DYNC1I1: variants seen among roughly 807,000 people sequenced by gnomAD.
DYNC1I1 encodes the protein cytoplasmic dynein 1 intermediate chain 1.
Under a neutral mutation model 86.6 loss-of-function variants are expected in DYNC1I1, and 43 were observed. That is an observed-to-expected ratio of 0.50 (90% confidence interval 0.39 to 0.64). The LOEUF (loss-of-function observed/expected upper bound fraction) is 0.64, where lower values mean the gene tolerates loss of function less well. Ranked by LOEUF, DYNC1I1 falls within the 30% of genes least tolerant of loss-of-function variation. The probability of loss-of-function intolerance (pLI) is 0.00; values close to 1 mark genes in which losing one functional copy is unlikely to be tolerated. For missense variants in DYNC1I1, 604 were observed against 788.8 expected, an observed-to-expected ratio of 0.77 and a Z score of 2.81; for synonymous variants, 262 against 283.7, an observed-to-expected ratio of 0.92 and a Z score of 0.77.
intron 5 of DYNC1I1, among the ~76,000 whole-genome samples, chr7:95,865,821 C>T (rs556364138): frequency 2.0e-5 from 3 of 152,258 alleles, no homozygotes; most frequent in South Asian, 2.1e-4. Context: ...TCTAGGTTTG[C>T]GTAAGTGCGG....
chr7:95,903,882 T>C (rs896382188), intron 6 of DYNC1I1, among the ~76,000 whole-genome samples: 5 of 152,088 alleles, frequency 3.3e-5, no homozygotes, highest in Non-Finnish European at 7.4e-5. Flanking sequence ...AGGGTGTACT[T>C]AGTTGAATGC....
intron 15 of DYNC1I1, among the ~76,000 whole-genome samples, chr7:96,076,865 T>C (rs773254637): frequency 5.3e-5 from 8 of 152,226 alleles, no homozygotes; most frequent in Admixed American, 1.3e-4. Context: ...CAGCCAGTAA[T>C]AAATACTGTT....
At chr7:96,019,169 T>A (rs1794477961) in intron 10 of DYNC1I1, among the ~76,000 whole-genome samples, 1 of 152,186 alleles carries the variant, frequency 6.6e-6, no homozygotes, top group Non-Finnish European at 1.5e-5. Context: ...CATCATTCTT[T>A]GTAGTGAGAA....
At chr7:95,780,013 T>A (rs1160148727) in intron 1 of DYNC1I1, among the ~76,000 whole-genome samples, 1 of 152,202 alleles carries the variant, frequency 6.6e-6, no homozygotes, top group African/African-American at 2.4e-5. Context: ...TGTTTTCCTT[T>A]TTGAACCCCT....
At chr7:95,797,819 T>C (rs1794478104) in intron 1 of DYNC1I1, among the ~76,000 whole-genome samples, 1 of 152,244 alleles carries the variant, frequency 6.6e-6, no homozygotes, top group Non-Finnish European at 1.5e-5. Context: ...TTTCTTCATA[T>C]ACTTTAACTA....
chr7:95,870,582 A>G (rs577697344), intron 6 of DYNC1I1, among the ~76,000 whole-genome samples: 3 of 152,258 alleles, frequency 2.0e-5, no homozygotes, highest in African/African-American at 7.2e-5. Flanking sequence ...TGGTTTGCCA[A>G]TTGAGGTAAC....
intron 16 of DYNC1I1, among the ~76,000 whole-genome samples, chr7:96,090,547 A>T (rs965509491): frequency 2.0e-5 from 3 of 151,890 alleles, no homozygotes; most frequent in Admixed American, 2.0e-4. Flanking sequence ...TAAAAATAGT[A>T]AAAATAAACC....
intron 4 of DYNC1I1, 95 bp from the exon 5 acceptor site, chr7:95,827,962 C>A: frequency 7.9e-7 from 1 of 1,260,908 alleles, no homozygotes; most frequent in Non-Finnish European, 1.2e-6. Flanking sequence ...ATTGTATATG[C>A]TCTTGCCTTG....
At chr7:95,957,462 T>G (rs1445755304) in intron 6 of DYNC1I1, among the ~76,000 whole-genome samples, 1 of 152,196 alleles carries the variant, frequency 6.6e-6, no homozygotes, top group Admixed American at 6.5e-5. Flanking sequence ...CTCCTGCTGC[T>G]GCTGCTGCTG....
chr7:95,917,265 A>G (rs1483157592), intron 6 of DYNC1I1, among the ~76,000 whole-genome samples: 2 of 152,024 alleles, frequency 1.3e-5, no homozygotes, highest in Non-Finnish European at 2.9e-5. Context: ...AGCGGGTGGG[A>G]GGGGCATGAT....
intron 1 of DYNC1I1, among the ~76,000 whole-genome samples, chr7:95,776,438 G>T (rs994827211): frequency 6.6e-6 from 1 of 152,178 alleles, no homozygotes; most frequent in Admixed American, 6.5e-5. Context: ...GGAGGCATAC[G>T]AATGGTTTTC....
chr7:96,086,156 A>G (rs1790673780), intron 16 of DYNC1I1, among the ~76,000 whole-genome samples: 1 of 152,188 alleles, frequency 6.6e-6, no homozygotes, highest in Non-Finnish European at 1.5e-5. Context: ...GCCCACCGCC[A>G]TTGTTAAGGC....
chr7:96,069,505 A>G (rs1210560108), intron 14 of DYNC1I1, among the ~76,000 whole-genome samples: 3 of 152,236 alleles, frequency 2.0e-5, no homozygotes, highest in Non-Finnish European at 4.4e-5. Context: ...AGGTAATTCA[A>G]AAGAGCATCC....
At chr7:95,820,856 G>T (rs1391066221) in intron 4 of DYNC1I1, among the ~76,000 whole-genome samples, 1 of 152,240 alleles carries the variant, frequency 6.6e-6, no homozygotes, top group African/African-American at 2.4e-5. Context: ...GGGATTACCG[G>T]CATGGGCCAT....
chr7:95,946,645 A>C (rs541213030), intron 6 of DYNC1I1, among the ~76,000 whole-genome samples: 8 of 152,336 alleles, frequency 5.3e-5, no homozygotes, highest in African/African-American at 1.7e-4. Context: ...ACAGAGTCAT[A>C]GTCCATACAC....
chr7:96,076,247 G>T, intron 15 of DYNC1I1, 50 bp downstream of exon 15: 1 of 1,602,750 alleles, frequency 6.2e-7, no homozygotes, highest in Non-Finnish European at 8.5e-7. Flanking sequence ...GGGGGGCGCA[G>T]TCGGCCACTC....
At chr7:95,911,499 A>ACAATATCAAG (rs1791334924) in intron 6 of DYNC1I1, among the ~76,000 whole-genome samples, 1 of 152,192 alleles carries the variant, frequency 6.6e-6, no homozygotes, top group Admixed American at 6.5e-5. Flanking sequence ...GAGGGAAGGA[A>ACAATATCAAG]CAATATCAAG....
intron 5 of DYNC1I1, among the ~76,000 whole-genome samples, chr7:95,840,995 T>C (rs1049564346): frequency 6.6e-5 from 10 of 152,218 alleles, no homozygotes; most frequent in Non-Finnish European, 1.2e-4. Context: ...ACCCACTTGC[T>C]CTGCACTGAG....
At chr7:95,844,357 G>A (rs1338875691) in intron 5 of DYNC1I1, among the ~76,000 whole-genome samples, 2 of 152,190 alleles carry the variant, frequency 1.3e-5, no homozygotes, top group African/African-American at 4.8e-5. Context: ...TTCCTTCACA[G>A]AAGAAAGAAC....
Sources: allele counts gnomAD v4.1 joint callset (sites outside exome capture counted in the v4.1 genomes callset), GRCh38; gene constraint gnomAD v4.1.1; transcripts MANE v1.5; gene names NCBI Gene and HGNC (gene_info 2026-07-23, HGNC 2026-07-21).